Variants in FAM149A observed in about 807,000 individuals in gnomAD.
FAM149A encodes the protein protein FAM149A.
A neutral mutation model predicts 78.2 loss-of-function variants in FAM149A; 71 were observed. The observed-to-expected ratio is 0.91, with a 90% confidence interval of 0.75 to 1.11. FAM149A has a LOEUF of 1.11. FAM149A is among the 50% of genes least tolerant of loss of function. The probability of loss-of-function intolerance (pLI) is 0.00; values close to 1 mark genes in which losing one functional copy is unlikely to be tolerated. For missense variants in FAM149A, 1,036 were observed against 971.0 expected (o/e 1.07, Z -0.89); for synonymous variants, 446 against 410.5 (o/e 1.09, Z -1.04).
rs184629890 is a variant in FAM149A at position 186,153,785 on chromosome 4, G to C, written c.1058+15G>C. On this transcript the variant is annotated intron_variant, in intron 5 of 13. Transcript: ENST00000389354. ...AACATCAGAGAGTATGTTCAGATAAGTGACTCTCAAAAAGTATTGTTAGCT... is the reference window on the plus strand; with the variant it reads ...AACATCAGAGAGTATGTTCAGATAACTGACTCTCAAAAAGTATTGTTAGCT... 4.4e-6 allele frequency: 7 copies of C among 1,586,598 alleles called. No homozygotes were observed. The East Asian group carries it at 1.6e-4, about 36-fold the overall frequency.
At position 186,171,455 on chromosome 4, in the gene FAM149A, G is replaced by A. The variant is rs527441435; in HGVS notation, c.2219-459G>A. Among the ~76,000 whole-genome samples the A allele has an allele frequency of 3.3e-5, 5 of 152,150 alleles. No homozygotes were observed. The South Asian group carries it at 6.2e-4, about 19-fold the overall frequency. On this transcript the variant is annotated intron_variant, in intron 13 of 13. Coordinates refer to ENST00000389354, the MANE Select transcript of FAM149A (RefSeq NM_001367768.3). ...CACATGACCTCCTTGCTACCTTTGC[G>A]TCCAGGTCAAAAAGCACTGGGAACT...
intron 3 of FAM149A, 22 bp downstream of exon 3, chr4:186,149,726 A>G (rs1256236836): frequency 1.6e-6 from 2 of 1,253,330 alleles, no homozygotes; most frequent in East Asian, 5.7e-5. Flanking sequence ...AATATTTTGG[A>G]TAATCTTGTA....
intron 8 of FAM149A, 123 bp downstream of exon 8, chr4:186,157,842 G>A (rs758494711): frequency 6.5e-7 from 1 of 1,549,072 alleles, no homozygotes; most frequent in Non-Finnish European, 8.7e-7. Context: ...GCCCGCAGAG[G>A]GGTCCATGCA....
chr4:186,127,252 C>T (rs2099318711), intron 1 of FAM149A: 1 of 969,184 alleles, frequency 1.0e-6, no homozygotes, highest in African/African-American at 1.8e-5. Flanking sequence ...GCCCACAAAT[C>T]TCAACTCAGA....
Position 186,167,033 on chromosome 4 carries a change from T to G in FAM149A, c.2076T>G (p.Arg692=), listed in dbSNP as rs778023708. ...TGCCTGACGGTACAGAACGATCGCG[T>G]CTTCGAGAAAGAACAGCCACCCTGG... The change falls in exon 12 of 14, where the codon CGT becomes CGG. Residue 692 remains arginine (R), a synonymous_variant. Coordinates refer to ENST00000389354, the MANE Select transcript of FAM149A (RefSeq NM_001367768.3). 6.2e-7 allele frequency: 1 copy of G among 1,614,154 alleles called. No homozygotes were observed. Among genetic ancestry groups the G allele is most frequent in the Admixed American group, 1.7e-5 (1 of 60,026 alleles).
chr4:186,125,515 A>G (rs146705687), intron 1 of FAM149A, among the ~76,000 whole-genome samples: 1 of 152,156 alleles, frequency 6.6e-6, no homozygotes, highest in African/African-American at 2.4e-5. Flanking sequence ...AATCAGTGAC[A>G]TGGTACAGGG....
chr4:186,156,050 G>T lies in FAM149A; in HGVS notation c.1280G>T (p.Arg427Leu), dbSNP rs140463493. 1 of 1,613,824 alleles carries T rather than the reference G, an allele frequency of 6.2e-7. No homozygotes were observed. Among genetic ancestry groups the T allele is most frequent in the Non-Finnish European group, 8.5e-7 (1 of 1,179,826 alleles). The stretch of plus-strand genomic sequence containing the variant: ...CCAGCTCAGCCCGGTAGGAAATGGC[G>T]CAAACTCGGACTTCCTCCTGTTTCC... Residue 427 changes from arginine (R) to leucine (L), a missense_variant, in exon 7 of 14, where the codon CGC (arginine) becomes CTC (leucine). By Grantham distance (102) the Arg-to-Leu change is moderately radical. Coordinates refer to ENST00000389354, the MANE Select transcript of FAM149A (RefSeq NM_001367768.3).
chr4:186,166,106 G>A (rs921022697), intron 11 of FAM149A, among the ~76,000 whole-genome samples: 4 of 152,206 alleles, frequency 2.6e-5, no homozygotes, highest in Admixed American at 6.5e-5. Context: ...TGGCCAGCAT[G>A]CATATCCAGG....
In FAM149A at chr4:186,105,056, C is replaced by G. The variant is rs956664468; in HGVS notation, c.-21C>G. 7.9e-7 allele frequency: 1 copy of G among 1,265,938 alleles called. No homozygotes were observed. Among genetic ancestry groups the G allele is most frequent in the East Asian group, 7.2e-5 (1 of 13,814 alleles). 78.4% of individuals were successfully genotyped at this position (1,265,938 alleles called of 1,614,324 possible). A position where few individuals can be genotyped will look rare whatever the true frequency, so the allele number is the denominator to read the frequency against. ...CTGAACTCTCGGGCGGCGGCGAGGA[C>G]GGCGTGTCCACTGTCGAGGCATGAA... On this transcript the variant is annotated 5_prime_UTR_variant, in exon 1 of 14. Coordinates refer to ENST00000389354, the MANE Select transcript of FAM149A (RefSeq NM_001367768.3).
rs1273300388 is a variant in FAM149A, at chr4:186,174,357, T to C, written c.*2370T>C. 9.0e-6 allele frequency among the ~76,000 whole-genome samples: 1 copy of C among 110,938 alleles called. No homozygotes were observed. Among genetic ancestry groups the C allele is most frequent in the East Asian group, 2.2e-4 (1 of 4,490 alleles). The allele number at this position is 110,938 out of a possible 152,430, so 72.8% of individuals were successfully genotyped here. ...ATTTGTTTTTCTGTTTCTGCATTAG[T>C]TTGCTAAGGATAATGACTTCCAGCT... On this transcript the variant is annotated 3_prime_UTR_variant, in exon 14 of 14. Coordinates refer to ENST00000389354, the MANE Select transcript of FAM149A (RefSeq NM_001367768.3).
intron 1 of FAM149A, among the ~76,000 whole-genome samples, chr4:186,138,399 C>A (rs2126399764): frequency 6.6e-6 from 1 of 152,278 alleles, no homozygotes; most frequent in East Asian, 1.9e-4. Flanking sequence ...GGTGAATTTG[C>A]AAATAGTGAT....
At chr4:186,136,976 T>TCTCTCTCTCTCTTTCTC (rs2099323291) in intron 1 of FAM149A, among the ~76,000 whole-genome samples, 40 of 72,096 alleles carry the variant, frequency 5.5e-4, no homozygotes, top group East Asian at 1.3e-3. Context: ...CTCTCTCTCT[T>TCTCTCTCTCTCTTTCTC]TCTCTCTCTC....
Position 186,167,005 on chromosome 4 carries a change from C to T in FAM149A, c.2048C>T (p.Ala683Val), listed in dbSNP as rs772113067. The change falls in exon 12 of 14, where the codon GCC becomes GTC. Residue 683 changes from alanine (A) to valine (V), a missense_variant. Physicochemically the swap from Ala to Val is moderately conservative, Grantham distance 64. Coordinates refer to ENST00000389354, the MANE Select transcript of FAM149A (RefSeq NM_001367768.3). Reference sequence around the variant, plus strand: ...CATCTACAAAACCGTGTGTTGAGTGCCATGCCTGACGGTACAGAACGATCG... The same window carrying T: ...CATCTACAAAACCGTGTGTTGAGTGTCATGCCTGACGGTACAGAACGATCG... The T allele has an allele frequency of 3.7e-6, 6 of 1,613,738 alleles. No homozygotes were observed. Among genetic ancestry groups the T allele is most frequent in the East Asian group, 4.5e-5 (2 of 44,900 alleles).
intron 13 of FAM149A, chr4:186,169,926 C>T: frequency 1.0e-6 from 1 of 985,446 alleles, no homozygotes; most frequent in Non-Finnish European, 1.2e-6. Flanking sequence ...AGAGGTTTTG[C>T]ATCTGTAACA....
intron 1 of FAM149A, chr4:186,116,532 T>G: frequency 1.0e-6 from 1 of 985,420 alleles, no homozygotes; most frequent in Non-Finnish European, 1.2e-6. Context: ...GAAAACAATT[T>G]TGTTCTGTCT....
intron 1 of FAM149A, among the ~76,000 whole-genome samples, chr4:186,108,869 A>G (rs1464766412): frequency 6.9e-6 from 1 of 145,876 alleles, no homozygotes; most frequent in East Asian, 2.0e-4. Flanking sequence ...TTTTTTTGAG[A>G]CGGAGTCTTG....
At chr4:186,136,976 T>TCTCTCTCTCTTTCTCTC (rs2099323291) in intron 1 of FAM149A, among the ~76,000 whole-genome samples, 1 of 72,120 alleles carries the variant, frequency 1.4e-5, no homozygotes, top group Non-Finnish European at 2.6e-5. Flanking sequence ...CTCTCTCTCT[T>TCTCTCTCTCTTTCTCTC]TCTCTCTCTC....
chr4:186,155,878 C>A, intron 6 of FAM149A, 122 bp from the exon 7 acceptor site: 3 of 668,014 alleles, frequency 4.5e-6, no homozygotes, highest in Non-Finnish European at 4.5e-6. Flanking sequence ...AAGAACGATG[C>A]TGTTTAACAA....
chr4:186,137,339 T>C (rs1201726953), intron 1 of FAM149A, among the ~76,000 whole-genome samples: 2 of 151,904 alleles, frequency 1.3e-5, no homozygotes, highest in Non-Finnish European at 2.9e-5. Context: ...ACGAGTAAGG[T>C]ACATTGGTCT....
Sources: gnomAD v4.1 joint callset for allele counts (sites outside exome capture counted in the v4.1 genomes callset) on GRCh38, gnomAD v4.1.1 for gene constraint, MANE v1.5 for transcripts, NCBI Gene and HGNC (gene_info 2026-07-23, HGNC 2026-07-21) for gene names.